Variants in SLC39A14 observed in about 807,000 individuals in gnomAD.
SLC39A14 encodes the protein solute carrier family 39 member 14, also known as metal cation symporter ZIP14.
A neutral mutation model predicts 45.5 loss-of-function variants in SLC39A14; 19 were observed. The ratio of observed to expected loss-of-function variants is 0.42; its 90% CI spans 0.29 to 0.61. The LOEUF (loss-of-function observed/expected upper bound fraction) is 0.61, where lower values mean the gene tolerates loss of function less well. Among genes scored for constraint, SLC39A14 ranks in the 20% least tolerant of loss-of-function variants. SLC39A14 has a pLI of 0.22. For missense variants in SLC39A14, 447 were observed against 616.5 expected (o/e 0.73, Z 2.91); for synonymous variants, 264 against 251.3 (o/e 1.05, Z -0.48).
rs750100350 is a variant in SLC39A14 at position 22,416,279 on chromosome 8, A to G, written c.1146A>G (p.Leu382=). 2 of 1,612,598 alleles carry G rather than the reference A, an allele frequency of 1.2e-6. No homozygotes were observed. The highest frequency in any genetic ancestry group is 2.2e-5 in the South Asian group (2 of 91,002). The change falls in exon 7 of 9, where the codon CTA becomes CTG. Residue 382 remains leucine, a splice_region_variant and synonymous_variant. Coordinates refer to ENST00000381237, the MANE Select transcript of SLC39A14 (RefSeq NM_001128431.4). Reference sequence around the variant, plus strand: ...TCTGTGAGGAGTTCCCACATGAGCTAGGTAAGCGTGCGTCCCCCGTTCCAC... The same window carrying G: ...TCTGTGAGGAGTTCCCACATGAGCTGGGTAAGCGTGCGTCCCCCGTTCCAC... ...AILCEEFPHE[L]GDFVILLNAG... is the part of the protein sequence containing the mutation.
intron 1 of SLC39A14, among the ~76,000 whole-genome samples, chr8:22,378,262 T>A (rs145968604): frequency 1.8e-4 from 28 of 152,318 alleles, no homozygotes; most frequent in African/African-American, 6.7e-4. Context: ...AGTGTGTTAG[T>A]ATGACACACT....
chr8:22,408,965 C>T (rs965860099), intron 3 of SLC39A14, among the ~76,000 whole-genome samples: 4 of 151,930 alleles, frequency 2.6e-5, no homozygotes, highest in East Asian at 1.9e-4. Flanking sequence ...GGACTACAGG[C>T]GTGCACCGCC....
chr8:22,403,140 C>T (rs971540087), intron 1 of SLC39A14, among the ~76,000 whole-genome samples: 4 of 152,078 alleles, frequency 2.6e-5, no homozygotes, highest in African/African-American at 9.7e-5. Flanking sequence ...CCACACCCGG[C>T]TAATTTTTTC....
At chr8:22,386,660 A>G (rs1833812549) in intron 1 of SLC39A14, among the ~76,000 whole-genome samples, 1 of 152,234 alleles carries the variant, frequency 6.6e-6, no homozygotes, top group Non-Finnish European at 1.5e-5. Context: ...GGACTCTGAC[A>G]GAACAGAGCT....
chr8:22,415,162 T>A, intron 5 of SLC39A14: 1 of 421,436 alleles, frequency 2.4e-6, no homozygotes, highest in South Asian at 3.1e-5. Context: ...CTAAGATTAT[T>A]TCCTTAATAT....
rs1834087323 is a variant in SLC39A14 at position 22,391,735 on chromosome 8, A to G, written c.-15-12961A>G. Among the ~76,000 whole-genome samples the G allele has an allele frequency of 2.0e-5, 3 of 152,050 alleles. No individual in the cohort carries two copies. The South Asian group carries it at 6.2e-4, about 32-fold the overall frequency. On this transcript the variant is annotated intron_variant, in intron 1 of 8. Transcript: ENST00000381237. The stretch of plus-strand genomic sequence containing the variant: ...CAGGTACCCGCCACCATGCCCTGCT[A>G]ATTTTTGTATTTTTAGTAGAGACGG...
intron 1 of SLC39A14, among the ~76,000 whole-genome samples, chr8:22,381,372 G>A (rs1283137776): frequency 2.0e-5 from 3 of 151,982 alleles, no homozygotes; most frequent in South Asian, 2.1e-4. Flanking sequence ...CCGGGTTCAC[G>A]CCATTCTCCT....
At chr8:22,425,860 G>A (rs1048820577), downstream of SLC39A14, among the ~76,000 whole-genome samples, 19 of 147,326 alleles carry the variant, frequency 1.3e-4, no homozygotes, top group Middle Eastern at 3.9e-3. Flanking sequence ...AAGCCAAGAA[G>A]TTCTTCTACT....
intron 1 of SLC39A14, among the ~76,000 whole-genome samples, chr8:22,372,895 G>C (rs1417601072): frequency 1.3e-5 from 2 of 151,814 alleles, no homozygotes; most frequent in African/African-American, 4.8e-5. Context: ...TCAGCCTCAA[G>C]ACTGAGAAAT....
intron 1 of SLC39A14, among the ~76,000 whole-genome samples, chr8:22,382,665 C>A (rs1833575614): frequency 6.6e-6 from 1 of 152,004 alleles, no homozygotes; most frequent in Non-Finnish European, 1.5e-5. Flanking sequence ...GAAGTGAGAC[C>A]CTGACTCTAT....
At chr8:22,385,129 G>A (rs1833723102) in intron 1 of SLC39A14, among the ~76,000 whole-genome samples, 1 of 152,134 alleles carries the variant, frequency 6.6e-6, no homozygotes, top group African/African-American at 2.4e-5. Context: ...TGTATTCCAG[G>A]CCAGCTTCTC....
chr8:22,369,533 G>T (rs1315204301), intron 1 of SLC39A14, among the ~76,000 whole-genome samples: 1 of 152,206 alleles, frequency 6.6e-6, no homozygotes, highest in African/African-American at 2.4e-5. Flanking sequence ...CACCCTTCCA[G>T]TGCAAACTCT....
At chr8:22,384,744 TAAAA>T (rs34292650) in intron 1 of SLC39A14, among the ~76,000 whole-genome samples, 14 of 117,292 alleles carry the variant, frequency 1.2e-4, no homozygotes, top group Non-Finnish European at 1.0e-4. Context: ...GAGACTGTCT[TAAAA>T]AAAAAAAAAA....
At chr8:22,431,223 A>T (rs985308688) in intron 8 of SLC39A14, among the ~76,000 whole-genome samples, 2 of 150,354 alleles carry the variant, frequency 1.3e-5, no homozygotes, top group African/African-American at 4.9e-5. Context: ...GCCTGACCTC[A>T]TGATCCACCT....
At chr8:22,430,097 T>TGACAG (rs1217696422) in intron 8 of SLC39A14, among the ~76,000 whole-genome samples, 1 of 152,260 alleles carries the variant, frequency 6.6e-6, no homozygotes, top group Non-Finnish European at 1.5e-5. Flanking sequence ...AGCTCAAAGT[T>TGACAG]GACAGGAGTC....
chr8:22,393,566 G>A (rs1393488772), intron 1 of SLC39A14, among the ~76,000 whole-genome samples: 1 of 152,188 alleles, frequency 6.6e-6, no homozygotes, highest in Non-Finnish European at 1.5e-5. Flanking sequence ...ACAGATGACT[G>A]TATCGTTGTT....
chr8:22,408,261 G>C, intron 2 of SLC39A14, 49 bp from the exon 3 acceptor site: 1 of 1,565,188 alleles, frequency 6.4e-7, no homozygotes, highest in African/African-American at 1.3e-5. Context: ...AGCAGGGCAA[G>C]GCCTGACCTT....
At chr8:22,428,069 C>T (rs537523609) in intron 8 of SLC39A14, among the ~76,000 whole-genome samples, 6 of 152,166 alleles carry the variant, frequency 3.9e-5, no homozygotes, top group South Asian at 2.1e-4. Context: ...GAGGCTGAGG[C>T]GGGTGGATCA....
intron 4 of SLC39A14, among the ~76,000 whole-genome samples, chr8:22,413,914 A>G (rs1835726367): frequency 6.6e-6 from 1 of 151,954 alleles, no homozygotes; most frequent in Non-Finnish European, 1.5e-5. Flanking sequence ...AGCTGGGATT[A>G]CAGGTGTGCC....
Sources: gnomAD v4.1 joint callset for allele counts (sites outside exome capture counted in the v4.1 genomes callset) on GRCh38, gnomAD v4.1.1 for gene constraint, MANE v1.5 for transcripts, NCBI Gene and HGNC (gene_info 2026-07-23, HGNC 2026-07-21) for gene names.